The following PRMT8 variants were observed in gnomAD, a reference collection of about 807,000 sequenced individuals.
PRMT8 encodes protein arginine methyltransferase 8.
Under a neutral mutation model 47.1 loss-of-function variants are expected in PRMT8, and 7 were observed. That is an observed-to-expected ratio of 0.15 (90% CI 0.08 to 0.28). The LOEUF is 0.28. Ranked by LOEUF, PRMT8 falls within the 10% of genes least tolerant of loss-of-function variation. The pLI, the probability that PRMT8 is intolerant of heterozygous loss-of-function variation, is 1.00. For synonymous variants in PRMT8, 188 were observed against 186.5 expected, an observed-to-expected ratio of 1.01 and a Z score of -0.07; for missense variants, 237 against 505.4, an observed-to-expected ratio of 0.47 and a Z score of 5.09.
At chr12:3,534,816 G>A (rs1027301064) in intron 1 of PRMT8, among the ~76,000 whole-genome samples, 4 of 152,192 alleles carry the variant, frequency 2.6e-5, no homozygotes, top group Non-Finnish European at 5.9e-5. Flanking sequence ...AGCTAACCAT[G>A]GCATCAGTTT....
chr12:3,558,707 A>G (rs1866570708), intron 4 of PRMT8, among the ~76,000 whole-genome samples: 1 of 152,104 alleles, frequency 6.6e-6, no homozygotes, highest in South Asian at 2.1e-4. Context: ...TCGTGATTGG[A>G]TTCAGGTTCT....
At chr12:3,539,009 G>A (rs189679668) in intron 1 of PRMT8, among the ~76,000 whole-genome samples, 20 of 152,304 alleles carry the variant, frequency 1.3e-4, no homozygotes, top group East Asian at 3.9e-4. Flanking sequence ...GGGACTGCGC[G>A]GAGTGATTCC....
At chr12:3,581,238 G>A (rs1867057379) in intron 7 of PRMT8, among the ~76,000 whole-genome samples, 1 of 152,158 alleles carries the variant, frequency 6.6e-6, no homozygotes, top group Non-Finnish European at 1.5e-5. Context: ...CAGACATCAC[G>A]ACTTATGAGG....
At chr12:3,461,844 A>C (rs1865045584) in intron 1 of PRMT8, among the ~76,000 whole-genome samples, 1 of 152,140 alleles carries the variant, frequency 6.6e-6, no homozygotes, top group African/African-American at 2.4e-5. Flanking sequence ...CTTGGCTGTG[A>C]GCTTCCTACA....
In PRMT8 at chr12:3,436,553, T is replaced by C. The variant is rs1864742830; in HGVS notation, c.48+55111T>C. 6.6e-6 allele frequency among the ~76,000 whole-genome samples: 1 copy of C among 152,174 alleles called. No homozygotes were observed. Among genetic ancestry groups the C allele is most frequent in the African/African-American group, 2.4e-5 (1 of 41,442 alleles). On this transcript the variant is annotated intron_variant, in intron 1 of 9. Coordinates refer to the PRMT8 transcript ENST00000452611. The surrounding 1 kb of genome is among the most constrained non-coding windows in gnomAD (Gnocchi z 4.2). The stretch of plus-strand genomic sequence containing the variant: ...CTCTATTAATAGAGTAAAGATTTCA[T>C]GCCACCAGTAATTTTTCTAAGAGGA...
At chr12:3,396,469 T>C (rs898128962) in intron 1 of PRMT8, among the ~76,000 whole-genome samples, 5 of 152,202 alleles carry the variant, frequency 3.3e-5, no homozygotes, top group Non-Finnish European at 2.9e-5. Flanking sequence ...CCTTCACTTA[T>C]GAAGCTTAGT....
rs4328273 is a variant in PRMT8, at chr12:3,397,826, A to G, written c.48+16384A>G. On this transcript the variant is annotated intron_variant, in intron 1 of 9. Coordinates refer to the PRMT8 transcript ENST00000452611. Reference sequence around the variant, plus strand: ...TCCCCCAGCCTCGCTGCCGCCTTGCAGTTTGATCTCAGACTGCTGTGCTAG... The same window carrying G: ...TCCCCCAGCCTCGCTGCCGCCTTGCGGTTTGATCTCAGACTGCTGTGCTAG... 3.9e-5 allele frequency among the ~76,000 whole-genome samples: 6 copies of G among 152,004 alleles called. No homozygotes were observed. In the South Asian group the frequency reaches 1.0e-3, roughly 26 times the overall value.
At position 3,561,470 on chromosome 12, in the gene PRMT8, GA is replaced by G. The variant is rs140343363; in HGVS notation, c.482-7235del. On this transcript the variant is annotated intron_variant, in intron 4 of 9. Coordinates refer to ENST00000382622, the MANE Select transcript of PRMT8 (RefSeq NM_019854.5). ...ATTCATATTCAACACCAAGTTGTTA[GA>G]GTTGGTCTTCTATCACAAATGACTA... is the stretch of plus-strand genomic sequence containing the variant. 7.7e-3 allele frequency among the ~76,000 whole-genome samples: 1,167 copies of G among 152,302 alleles called. 3 individuals carry two copies. Among genetic ancestry groups the G allele is most frequent in the Non-Finnish European group, 0.014 (926 of 68,030 alleles).
At chr12:3,588,234 A>G (rs1257525721) in intron 8 of PRMT8, among the ~76,000 whole-genome samples, 1 of 152,190 alleles carries the variant, frequency 6.6e-6, no homozygotes, top group Non-Finnish European at 1.5e-5. Context: ...TCATTTTCCC[A>G]CATTAAAGAA....
intron 1 of PRMT8, among the ~76,000 whole-genome samples, chr12:3,468,145 T>C (rs1591558925): frequency 6.6e-6 from 1 of 152,224 alleles, no homozygotes; most frequent in Non-Finnish European, 1.5e-5. Flanking sequence ...AGATGTGGGC[T>C]TGTGGCTGGT....
chr12:3,483,921 C>A (rs1045268540), intron 1 of PRMT8, among the ~76,000 whole-genome samples: 55 of 152,136 alleles, frequency 3.6e-4, no homozygotes, highest in African/African-American at 1.3e-3. Flanking sequence ...TGCCTCCTGA[C>A]AAGTGATGAG....
At position 3,538,911 on chromosome 12, in the gene PRMT8, AG is replaced by A. The variant is rs1478654459; in HGVS notation, c.76-1692del. ...AACTGGGAAGTCTGCTTATTTCCCA[AG>A]GGCGGTAGCCTAGGTACACTGGGAA... On this transcript the variant is annotated intron_variant, in intron 1 of 9. Coordinates refer to ENST00000382622, the MANE Select transcript of PRMT8 (RefSeq NM_019854.5). This position sits in a 1 kb window ranked among gnomAD's most constrained non-coding sequence, Gnocchi z 4.6. Among the ~76,000 whole-genome samples the A allele has an allele frequency of 6.6e-6, 1 of 152,332 alleles. No individual in the cohort carries two copies. The highest frequency in any genetic ancestry group is 1.9e-4 in the East Asian group (1 of 5,174).
intron 1 of PRMT8, among the ~76,000 whole-genome samples, chr12:3,496,357 C>G (rs1252618650): frequency 4.0e-5 from 6 of 149,502 alleles, no homozygotes; most frequent in African/African-American, 1.5e-4. Context: ...ACTGAGCTGA[C>G]TTCTTGCATG....
At chr12:3,420,287 C>T (rs1285455136) in intron 1 of PRMT8, among the ~76,000 whole-genome samples, 4 of 151,876 alleles carry the variant, frequency 2.6e-5, no homozygotes, top group African/African-American at 9.7e-5. Flanking sequence ...TTCTTACTGG[C>T]TGTGTGATAC....
upstream of PRMT8, among the ~76,000 whole-genome samples, chr12:3,491,003 C>T (rs1653997947): frequency 6.6e-6 from 1 of 152,118 alleles, no homozygotes; most frequent in African/African-American, 2.4e-5. Context: ...GCCCCCCGCG[C>T]GGGCCTGGCC....
intron 7 of PRMT8, among the ~76,000 whole-genome samples, chr12:3,577,337 G>A (rs768856487): frequency 2.0e-5 from 3 of 152,192 alleles, no homozygotes; most frequent in Admixed American, 1.3e-4. Flanking sequence ...AGAGGTAGAC[G>A]TCTCTCTTAG....
intron 1 of PRMT8, among the ~76,000 whole-genome samples, chr12:3,483,129 T>G (rs545264001): frequency 6.6e-6 from 1 of 152,302 alleles, no homozygotes; most frequent in African/African-American, 2.4e-5. Context: ...AACTAATGCC[T>G]GGGGCTGCTG....
intron 1 of PRMT8, among the ~76,000 whole-genome samples, chr12:3,389,005 G>A (rs189797211): frequency 2.6e-5 from 4 of 152,122 alleles, no homozygotes; most frequent in East Asian, 3.9e-4. Context: ...TCCATCCCAC[G>A]GTGCCCAGGA....
At chr12:3,381,360 A>T (rs1317182661) in exon 1 of PRMT8, 1 of 1,533,926 alleles carries the variant, frequency 6.5e-7, no homozygotes, top group South Asian at 1.2e-5. Context: ...TTTCTGCACC[A>T]GGGAGGCTTG....
Sources: allele counts gnomAD v4.1 joint callset (sites outside exome capture counted in the v4.1 genomes callset), GRCh38; gene constraint gnomAD v4.1.1; non-coding constraint Gnocchi (gnomAD v3.1); transcripts MANE v1.5; gene names NCBI Gene and HGNC (gene_info 2026-07-23, HGNC 2026-07-21).